ZNF804B: variants seen among roughly 807,000 people sequenced by gnomAD.
ZNF804B encodes the protein zinc finger protein 804B, also known as zinc finger 804B.
ZNF804B carries 80 observed loss-of-function variants against 101.4 expected under a neutral mutation model. That is an observed-to-expected ratio of 0.79 (90% CI 0.66 to 0.95). The LOEUF (loss-of-function observed/expected upper bound fraction) is 0.95. Among genes scored for constraint, ZNF804B ranks in the 40% least tolerant of loss-of-function variants. The pLI, the probability that ZNF804B is intolerant of heterozygous loss-of-function variation, is 0.00. For synonymous variants in ZNF804B, 622 were observed against 558.8 expected (o/e 1.11, Z -1.59); for missense variants, 1,673 against 1,561.9 (o/e 1.07, Z -1.20).
chr7:89,103,123 T>TA (rs1241654556), intron 1 of ZNF804B, among the ~76,000 whole-genome samples: 1 of 137,420 alleles, frequency 7.3e-6, no homozygotes, highest in Admixed American at 7.7e-5. Context: ...ACTTGTAGTA[T>TA]AATTTGAAAT....
chr7:88,890,099 TAGG>T (rs974764988), intron 1 of ZNF804B, among the ~76,000 whole-genome samples: 1 of 152,120 alleles, frequency 6.6e-6, no homozygotes, highest in African/African-American at 2.4e-5. Context: ...ATTTTTGAAT[TAGG>T]AGTAATTTTA....
chr7:89,019,825 A>G (rs1195872665), intron 1 of ZNF804B, among the ~76,000 whole-genome samples: 1 of 152,016 alleles, frequency 6.6e-6, no homozygotes, highest in Non-Finnish European at 1.5e-5. Context: ...GTTTTTCCAT[A>G]ACTTCACTTT....
At chr7:88,774,234 T>G (rs1790111643) in intron 1 of ZNF804B, among the ~76,000 whole-genome samples, 1 of 150,840 alleles carries the variant, frequency 6.6e-6, no homozygotes, top group African/African-American at 2.4e-5. Flanking sequence ...TTTTGAAACT[T>G]CGGCCACCTC....
At chr7:89,067,738 C>T (rs1336363805) in intron 1 of ZNF804B, among the ~76,000 whole-genome samples, 1 of 152,070 alleles carries the variant, frequency 6.6e-6, no homozygotes, top group African/African-American at 2.4e-5. Context: ...TGAAGTCAAA[C>T]AGCCTGAGTT....
At chr7:89,154,925 A>G (rs1485643279) in intron 1 of ZNF804B, among the ~76,000 whole-genome samples, 1 of 152,034 alleles carries the variant, frequency 6.6e-6, no homozygotes, top group East Asian at 1.9e-4. Context: ...AACACAAAGG[A>G]TAAATGCTTG....
intron 1 of ZNF804B, among the ~76,000 whole-genome samples, chr7:88,982,858 TG>T (rs1323223541): frequency 2.0e-5 from 3 of 151,982 alleles, no homozygotes; most frequent in Non-Finnish European, 4.4e-5. Context: ...ACTACCTAGA[TG>T]TCATGGGAAG....
intron 1 of ZNF804B, among the ~76,000 whole-genome samples, chr7:89,164,988 A>G (rs1312938192): frequency 1.3e-5 from 2 of 152,062 alleles, no homozygotes; most frequent in Non-Finnish European, 2.9e-5. Flanking sequence ...CAAGGTATAC[A>G]TTTCTGTGTT....
intron 1 of ZNF804B, among the ~76,000 whole-genome samples, chr7:88,784,516 C>A (rs1790272178): frequency 1.3e-5 from 2 of 152,096 alleles, no homozygotes; most frequent in Non-Finnish European, 2.9e-5. Flanking sequence ...AAGGACAGAA[C>A]CAACCTCACT....
intron 2 of ZNF804B, among the ~76,000 whole-genome samples, chr7:89,238,696 T>G (rs1365450262): frequency 6.7e-6 from 1 of 149,430 alleles, no homozygotes; most frequent in Non-Finnish European, 1.5e-5. Flanking sequence ...GGTTTAGATT[T>G]GTGTTGAGTA....
At chr7:88,887,282 G>A (rs56247793) in intron 1 of ZNF804B, among the ~76,000 whole-genome samples, 1 of 86,818 alleles carries the variant, frequency 1.2e-5, no homozygotes, top group African/African-American at 6.6e-5. Flanking sequence ...TTTTAATGGG[G>A]TTGTTTTTCT....
At chr7:88,794,605 T>C in intron 1 of ZNF804B, 1 of 1,613,716 alleles carries the variant, frequency 6.2e-7, no homozygotes, top group Non-Finnish European at 8.5e-7. Flanking sequence ...GCCAATATAA[T>C]CTAAAAGAAC....
chr7:89,061,766 A>G (rs1274786421), intron 1 of ZNF804B, among the ~76,000 whole-genome samples: 1 of 152,090 alleles, frequency 6.6e-6, no homozygotes. Context: ...AAATGATCAC[A>G]TTTATCATTA....
At chr7:88,810,422 G>A (rs1403277103) in intron 1 of ZNF804B, among the ~76,000 whole-genome samples, 2 of 151,984 alleles carry the variant, frequency 1.3e-5, no homozygotes, top group Admixed American at 6.5e-5. Flanking sequence ...GGAGGCCAAG[G>A]CAAGTGGATT....
intron 1 of ZNF804B, among the ~76,000 whole-genome samples, chr7:89,005,534 A>C (rs1308807175): frequency 6.6e-6 from 1 of 152,142 alleles, no homozygotes; most frequent in Admixed American, 6.6e-5. Flanking sequence ...TGAGATAATA[A>C]AATTATTCAT....
chr7:89,104,465 T>A (rs1405768368), intron 1 of ZNF804B, among the ~76,000 whole-genome samples: 1 of 152,052 alleles, frequency 6.6e-6, no homozygotes, highest in East Asian at 1.9e-4. Flanking sequence ...TGGTTCAATT[T>A]TGGGAGTTTG....
At chr7:89,065,969 G>T (rs1316423289) in intron 1 of ZNF804B, among the ~76,000 whole-genome samples, 1 of 151,990 alleles carries the variant, frequency 6.6e-6, no homozygotes, top group Non-Finnish European at 1.5e-5. Context: ...TAAATTTTGA[G>T]GATTAGAAAG....
chr7:89,124,314 TTACTC>T (rs1790447522), intron 1 of ZNF804B, among the ~76,000 whole-genome samples: 1 of 152,126 alleles, frequency 6.6e-6, no homozygotes, highest in African/African-American at 2.4e-5. Flanking sequence ...AGCTTTGTAT[TTACTC>T]TATCCTACGC....
chr7:89,208,990 C>T (rs1037514547), intron 1 of ZNF804B, among the ~76,000 whole-genome samples: 2 of 151,674 alleles, frequency 1.3e-5, no homozygotes, highest in African/African-American at 4.8e-5. Flanking sequence ...CCAGCCTGGG[C>T]GACAGAGTGA....
chr7:89,196,320 G>T (rs1482053908), intron 1 of ZNF804B, among the ~76,000 whole-genome samples: 2 of 151,848 alleles, frequency 1.3e-5, no homozygotes, highest in Non-Finnish European at 2.9e-5. Flanking sequence ...TCGGAAATAA[G>T]ACCACACACC....
Sources: allele counts gnomAD v4.1 joint callset (sites outside exome capture counted in the v4.1 genomes callset), GRCh38; gene constraint gnomAD v4.1.1; transcripts MANE v1.5; gene names NCBI Gene and HGNC (gene_info 2026-07-23, HGNC 2026-07-21).